Variants in ADAMTSL5 observed in about 807,000 individuals in gnomAD.
ADAMTSL5 encodes ADAMTS-like protein 5.
A neutral mutation model predicts 51.7 loss-of-function variants in ADAMTSL5; 53 were observed. The ratio of observed to expected loss-of-function variants is 1.03; its 90% CI spans 0.82 to 1.29. ADAMTSL5 has a LOEUF of 1.29. ADAMTSL5 is among the 50% of genes most tolerant of loss of function. The pLI is 0.00. For missense variants in ADAMTSL5, 770 were observed against 676.2 expected (o/e 1.14, Z -1.54); for synonymous variants, 285 against 278.7 (o/e 1.02, Z -0.23).
Position 1,510,854 on chromosome 19 carries a change from G to T in ADAMTSL5, c.90C>A (p.Val30=). The T allele has an allele frequency of 6.5e-7, 1 of 1,544,660 alleles. No individual in the cohort carries two copies. The highest frequency in any genetic ancestry group is 8.7e-7 in the Non-Finnish European group (1 of 1,152,378). Residue 30 remains valine (V), a synonymous_variant, in exon 2 of 12, where the codon GTC becomes GTA. Transcript: ENST00000330475. ...TCATGCCCCCCCTTACCTGAGCACT[G>T]ACCCCCAAACCACAGTTCAGCAGGG... is the stretch of plus-strand genomic sequence containing the variant. ...LWALLNCGLG[V]SAQGPGEWTP...
At chr19:1,508,320 G>T in intron 6 of ADAMTSL5, 123 bp downstream of exon 6, 8 of 1,032,280 alleles carry the variant, frequency 7.7e-6, no homozygotes, top group East Asian at 4.8e-5. Flanking sequence ...AGGGGAGGGG[G>T]AAGGCGGTGG....
At chr19:1,510,609 G>A in intron 3 of ADAMTSL5, 30 bp downstream of exon 3, 2 of 1,509,788 alleles carry the variant, frequency 1.3e-6, no homozygotes, top group South Asian at 1.3e-5. Flanking sequence ...GGGGGAGGAG[G>A]GGCAGGGACC....
intron 1 of ADAMTSL5, among the ~76,000 whole-genome samples, chr19:1,511,405 T>G (rs1391424429): frequency 2.0e-5 from 3 of 152,206 alleles, no homozygotes; most frequent in Non-Finnish European, 4.4e-5. Flanking sequence ...CCTTCTGACC[T>G]GAAGTGATCC....
rs574598242 is a variant in ADAMTSL5 at position 1,505,140 on chromosome 19, G to A, written c.*875C>T. The A allele has an allele frequency of 6.6e-6, 1 of 152,200 alleles. No homozygotes were observed. Among genetic ancestry groups the A allele is most frequent in the Non-Finnish European group, 1.5e-5 (1 of 68,076 alleles). 9.4% of individuals were successfully genotyped at this position (152,200 alleles called of 1,614,324 possible). A position where few individuals can be genotyped will look rare whatever the true frequency, so the allele number is the denominator to read the frequency against. The stretch of plus-strand genomic sequence containing the variant: ...TCCAGTGCTTTGGGAGGCCGAGGCA[G>A]GAGGATCGTTTGAGGCCAGTAGTTG... On this transcript the variant is annotated 3_prime_UTR_variant, in exon 12 of 12. Transcript: ENST00000330475.
chr19:1,512,770 G>A (rs909020179), intron 1 of ADAMTSL5, among the ~76,000 whole-genome samples, 193 bp downstream of exon 1: 21 of 152,278 alleles, frequency 1.4e-4, no homozygotes, highest in Non-Finnish European at 2.9e-4. Flanking sequence ...TGAGGAGTGG[G>A]GGTCTAGGTG....
Position 1,505,957 on chromosome 19 carries a change from G to A in ADAMTSL5, c.*58C>T, listed in dbSNP as rs553786541. On this transcript the variant is annotated 3_prime_UTR_variant, in exon 12 of 12. Transcript: ENST00000330475. ...AGGGTGAGAGGGGAAATACGTTGACGTTGAGGCTGGTCAGATGTATCTTTC... is the reference window on the plus strand; with the variant it reads ...AGGGTGAGAGGGGAAATACGTTGACATTGAGGCTGGTCAGATGTATCTTTC... 26 of 1,453,398 alleles carry A rather than the reference G, an allele frequency of 1.8e-5. No individual in the cohort carries two copies. Among genetic ancestry groups the A allele is most frequent in the African/African-American group, 1.6e-4 (11 of 70,712 alleles). 90.0% of individuals were successfully genotyped at this position (1,453,398 alleles called of 1,614,324 possible).
chr19:1,505,659 G>C lies in ADAMTSL5; in HGVS notation c.*356C>G, dbSNP rs1912877436. 4.6e-6 allele frequency: 1 copy of C among 218,324 alleles called. No individual in the cohort carries two copies. Among genetic ancestry groups the C allele is most frequent in the South Asian group, 1.0e-4 (1 of 9,774 alleles). 13.5% of individuals were successfully genotyped at this position (218,324 alleles called of 1,614,324 possible). On this transcript the variant is annotated 3_prime_UTR_variant, in exon 12 of 12. Transcript: ENST00000330475. ...TTCTGGGTACCCAGGGCAGCAGGGT[G>C]TCATGCTCGTTCATGACAGTGTCTC...
intron 1 of ADAMTSL5, among the ~76,000 whole-genome samples, chr19:1,512,523 C>T (rs1913314258): frequency 6.6e-6 from 1 of 152,136 alleles, no homozygotes; most frequent in African/African-American, 2.4e-5. Flanking sequence ...TGTACTAAAA[C>T]ACAAAAATTA....
chr19:1,507,139 C>T (rs1266074643), intron 9 of ADAMTSL5, 103 bp downstream of exon 9: 13 of 1,407,178 alleles, frequency 9.2e-6, no homozygotes, highest in African/African-American at 2.9e-5. Flanking sequence ...ACCCCAGACT[C>T]CCCCTTCTGG....
intron 6 of ADAMTSL5, 145 bp downstream of exon 6, chr19:1,508,298 G>C: frequency 8.2e-7 from 1 of 1,225,364 alleles, no homozygotes; most frequent in Non-Finnish European, 1.1e-6. Flanking sequence ...GGGGCTGGGG[G>C]CAGGGCCTGG....
rs1912961293 is a variant in ADAMTSL5 at position 1,506,860 on chromosome 19, G to C, written c.921C>G (p.Pro307=). 10 of 1,545,812 alleles carry C rather than the reference G, an allele frequency of 6.5e-6. No individual in the cohort carries two copies. The highest frequency in any genetic ancestry group is 1.2e-5 in the South Asian group (1 of 83,582). Reference sequence around the variant, plus strand: ...CCAGGGCCTGCACACGAGCCTGGAAGGGGCTGTAGCGCTCCCGAGGGAGCC... The same window carrying C: ...CCAGGGCCTGCACACGAGCCTGGAACGGGCTGTAGCGCTCCCGAGGGAGCC... ...EFWLPRERYS[P]FQARVQALGW... The change falls in exon 10 of 12, where the codon CCC becomes CCG. Residue 307 remains proline (P), a synonymous_variant. Transcript: ENST00000330475. The surrounding 1 kb of genome is among the most constrained non-coding windows in gnomAD (Gnocchi z 5.6).
chr19:1,509,277 AAAG>A (rs1568243587), intron 5 of ADAMTSL5, among the ~76,000 whole-genome samples: 3 of 150,854 alleles, frequency 2.0e-5, no homozygotes, highest in Non-Finnish European at 3.0e-5. Context: ...AAAAAAAAAA[AAAG>A]AAGATCTGAG....
At position 1,506,402 on chromosome 19, in the gene ADAMTSL5, G is replaced by C. The variant is rs1349077231; in HGVS notation, c.1115-86C>G. Reference sequence around the variant, plus strand: ...CTCCCTTGCCAGAAGAGGGACTGAGGGTCAGGTGGGACCTCGGGATCTATA... The same window carrying C: ...CTCCCTTGCCAGAAGAGGGACTGAGCGTCAGGTGGGACCTCGGGATCTATA... On this transcript the variant is annotated intron_variant, in intron 11 of 11. Transcript: ENST00000330475. This position sits in a 1 kb window ranked among gnomAD's most constrained non-coding sequence, Gnocchi z 5.6. The C allele has an allele frequency of 1.7e-5, 25 of 1,493,952 alleles. No homozygotes were observed. Among genetic ancestry groups the C allele is most frequent in the Non-Finnish European group, 1.9e-5 (21 of 1,110,496 alleles). 92.5% of individuals were successfully genotyped at this position (1,493,952 alleles called of 1,614,324 possible). A position where few individuals can be genotyped will look rare whatever the true frequency, so the allele number is the denominator to read the frequency against.
At position 1,505,757 on chromosome 19, in the gene ADAMTSL5, C is replaced by T; in HGVS notation, c.*258G>A. The T allele has an allele frequency of 2.3e-6, 1 of 441,762 alleles. No homozygotes were observed. The highest frequency in any genetic ancestry group is 4.0e-6 in the Non-Finnish European group (1 of 251,008). The allele number at this position is 441,762 out of a possible 1,614,324, so 27.4% of individuals were successfully genotyped here. A position where few individuals can be genotyped will look rare whatever the true frequency, so the allele number is the denominator to read the frequency against. ...TCTGAGTATAAATAGCTATGAGCTT[C>T]CTGGCAGCCAAGGAGAGAGGCGAAA... is the stretch of plus-strand genomic sequence containing the variant. On this transcript the variant is annotated 3_prime_UTR_variant, in exon 12 of 12. Coordinates refer to ENST00000330475, the MANE Select transcript of ADAMTSL5 (RefSeq NM_213604.3).
Position 1,505,943 on chromosome 19 carries a change from G to A in ADAMTSL5, c.*72C>T, listed in dbSNP as rs867050201. On this transcript the variant is annotated 3_prime_UTR_variant, in exon 12 of 12. Transcript: ENST00000330475. ...GCTGCCTGGAAGCCAGGGTGAGAGG[G>A]GAAATACGTTGACGTTGAGGCTGGT... The A allele has an allele frequency of 4.9e-6, 7 of 1,434,824 alleles. No individual in the cohort carries two copies. The highest frequency in any genetic ancestry group is 6.4e-6 in the Non-Finnish European group (7 of 1,096,360). 88.9% of individuals were successfully genotyped at this position (1,434,824 alleles called of 1,614,324 possible). A position where few individuals can be genotyped will look rare whatever the true frequency, so the allele number is the denominator to read the frequency against.
At position 1,506,245 on chromosome 19, in the gene ADAMTSL5, C is replaced by A; in HGVS notation, c.1186G>T (p.Val396Phe). Residue 396 changes from valine to phenylalanine, a missense_variant, in exon 12 of 12, where the codon GTC (valine) becomes TTC (phenylalanine). Coordinates refer to ENST00000330475, the MANE Select transcript of ADAMTSL5 (RefSeq NM_213604.3). The surrounding 1 kb of genome is among the most constrained non-coding windows in gnomAD (Gnocchi z 5.6). ...CGCAGTGGCGAGCGGTTCTTGTAGA[C>A]GAGCTGGATGCGCACCTCATAGCGG... ...ETRYEVRIQL[V>F]YKNRSPLRAR... 6.3e-7 allele frequency: 1 copy of A among 1,584,564 alleles called. No individual in the cohort carries two copies. Among genetic ancestry groups the A allele is most frequent in the Admixed American group, 1.7e-5 (1 of 57,616 alleles).
rs778962754 is a variant in ADAMTSL5, at chr19:1,510,278, A to G, written c.253-20T>C. The G allele has an allele frequency of 6.8e-6, 11 of 1,612,918 alleles. No individual in the cohort carries two copies. The highest frequency in any genetic ancestry group is 1.6e-4 in the Middle Eastern group (1 of 6,082). On this transcript the variant is annotated intron_variant, in intron 4 of 11. Transcript: ENST00000330475. ...GCAGTCCTAGGGACAGAGATAGGTGAGCCAGAGGCTGGGACAACCCCAAGG... is the reference window on the plus strand; with the variant it reads ...GCAGTCCTAGGGACAGAGATAGGTGGGCCAGAGGCTGGGACAACCCCAAGG...
intron 6 of ADAMTSL5, 163 bp downstream of exon 6, chr19:1,508,280 G>A: frequency 8.5e-7 from 1 of 1,170,310 alleles, no homozygotes; most frequent in Non-Finnish European, 1.2e-6. Flanking sequence ...GGGAGTGGGT[G>A]CCTAAGGGGG....
intron 1 of ADAMTSL5, chr19:1,511,889 G>A (rs569266410): frequency 4.2e-5 from 12 of 282,584 alleles, no homozygotes; most frequent in African/African-American, 1.8e-4. Flanking sequence ...AGGTCCGTTC[G>A]GTGCCTCATG....
Sources: gnomAD v4.1 joint callset for allele counts (sites outside exome capture counted in the v4.1 genomes callset) on GRCh38, gnomAD v4.1.1 for gene constraint, Gnocchi (gnomAD v3.1) non-coding constraint, MANE v1.5 for transcripts, NCBI Gene and HGNC (gene_info 2026-07-23, HGNC 2026-07-21) for gene names.